The following PLLP variants were observed in gnomAD, a reference collection of about 807,000 sequenced individuals.
PLLP encodes the protein plasmolipin.
In PLLP, 15 loss-of-function variants were observed where a neutral mutation model predicts 19.7. The observed-to-expected ratio is 0.76, with a 90% CI of 0.51 to 1.17. The LOEUF (loss-of-function observed/expected upper bound fraction) is 1.17. Among genes scored for constraint, PLLP ranks in the 50% most tolerant of loss-of-function variants. The pLI is 0.00. For synonymous variants in PLLP, 111 were observed against 116.3 expected (o/e 0.95, Z 0.29); for missense variants, 255 against 258.3 (o/e 0.99, Z 0.09).
chr16:57,266,521 G>A (rs2075457821), intron 1 of PLLP, among the ~76,000 whole-genome samples: 1 of 152,160 alleles, frequency 6.6e-6, no homozygotes, highest in Admixed American at 6.6e-5. Context: ...TTTAACAAAT[G>A]TCTATGGAGA....
At chr16:57,268,925 AGAGAAT>A (rs1467207747) in intron 1 of PLLP, among the ~76,000 whole-genome samples, 3 of 152,184 alleles carry the variant, frequency 2.0e-5, no homozygotes, top group African/African-American at 7.2e-5. Context: ...GGCCTCACTG[AGAGAAT>A]GACAGTATCC....
chr16:57,276,606 A>AAG (rs1555506079), intron 1 of PLLP, among the ~76,000 whole-genome samples: 20 of 150,170 alleles, frequency 1.3e-4, no homozygotes, highest in Middle Eastern at 3.4e-3. Context: ...AAAAAAAAAA[A>AAG]AGAGAGAGAG....
At chr16:57,279,375 TTTG>T (rs1901190975) in intron 1 of PLLP, among the ~76,000 whole-genome samples, 1 of 151,312 alleles carries the variant, frequency 6.6e-6, no homozygotes, top group East Asian at 1.9e-4. Flanking sequence ...TTTTTTTTTT[TTTG>T]TTAAGAGTAG....
Position 57,262,048 on chromosome 16 carries a change from G to T in PLLP, c.158C>A (p.Ala53Glu). Residue 53 changes from alanine to glutamate, a missense_variant, in exon 2 of 4, where the codon GCG becomes GAG. Transcript: ENST00000219207. ...LQLVLGLLVW[A>E]LIADTPYHLY... The stretch of plus-strand genomic sequence containing the variant: ...GTGGTACGGGGTGTCCGCAATCAGC[G>T]CCCACACCAGCAGCCCCAGCACCTA... 1 of 1,614,158 alleles carries T rather than the reference G, an allele frequency of 6.2e-7. No homozygotes were observed. Among genetic ancestry groups the T allele is most frequent in the Non-Finnish European group, 8.5e-7 (1 of 1,180,012 alleles).
intron 1 of PLLP, among the ~76,000 whole-genome samples, chr16:57,266,168 C>T (rs1286247552): frequency 1.3e-5 from 2 of 152,202 alleles, no homozygotes; most frequent in Non-Finnish European, 2.9e-5. Context: ...CTGGGCTGGG[C>T]ACCCAGGCTC....
intron 2 of PLLP, among the ~76,000 whole-genome samples, chr16:57,259,613 A>T (rs1395571842): frequency 6.6e-6 from 1 of 152,216 alleles, no homozygotes; most frequent in Non-Finnish European, 1.5e-5. Flanking sequence ...ATATACTTTT[A>T]AAAAATTACC....
At chr16:57,283,893 T>A (rs1341357388) in intron 1 of PLLP, among the ~76,000 whole-genome samples, 1 of 151,984 alleles carries the variant, frequency 6.6e-6, no homozygotes, top group Non-Finnish European at 1.5e-5. Context: ...AGATGAGGAA[T>A]GTTCATGGGT....
rs1429764926 is a variant in PLLP, at chr16:57,284,452, A to G, written c.89T>C (p.Leu30Pro). ...CCCGAGGCGGGAGCGCACGAAGCCC[A>G]GGTCCGGGCGCAGCGCCGACACCGA... The part of the protein sequence containing the change: ...EASVSALRPD[L>P]GFVRSRLGAL... The change falls in exon 1 of 4, where the codon CTG (leucine) becomes CCG (proline). Residue 30 changes from leucine (L) to proline (P), a missense_variant. Physicochemically the swap from Leu to Pro is moderately conservative, Grantham distance 98. Transcript: ENST00000219207. 27 of 1,406,200 alleles carry G rather than the reference A, an allele frequency of 1.9e-5. No homozygotes were observed. Among genetic ancestry groups the G allele is most frequent in the Non-Finnish European group, 2.5e-5 (27 of 1,075,828 alleles). The allele number at this position is 1,406,200 out of a possible 1,614,324, so 87.1% of individuals were successfully genotyped here. A position where few individuals can be genotyped will look rare whatever the true frequency, so the allele number is the denominator to read the frequency against.
At chr16:57,280,382 C>T (rs1469060665) in intron 1 of PLLP, among the ~76,000 whole-genome samples, 3 of 152,156 alleles carry the variant, frequency 2.0e-5, no homozygotes, top group Admixed American at 1.3e-4. Context: ...CCTAACAGCA[C>T]TACTTTATAC....
chr16:57,274,509 GT>G (rs1463528935), intron 1 of PLLP, among the ~76,000 whole-genome samples: 1 of 152,102 alleles, frequency 6.6e-6, no homozygotes, highest in Non-Finnish European at 1.5e-5. Flanking sequence ...CTGGAGTGCA[GT>G]TGCACAATCT....
At chr16:57,260,639 C>G (rs997795678) in intron 2 of PLLP, among the ~76,000 whole-genome samples, 2 of 152,226 alleles carry the variant, frequency 1.3e-5, no homozygotes, top group Admixed American at 1.3e-4. Flanking sequence ...TTTCTCGCCT[C>G]TCTTCTCACT....
At chr16:57,276,434 A>C (rs1457567028) in intron 1 of PLLP, among the ~76,000 whole-genome samples, 1 of 152,088 alleles carries the variant, frequency 6.6e-6, no homozygotes, top group Non-Finnish European at 1.5e-5. Flanking sequence ...TCTACTAAAA[A>C]TACAAAAATT....
At chr16:57,277,851 C>G (rs1385959834) in intron 1 of PLLP, among the ~76,000 whole-genome samples, 1 of 152,290 alleles carries the variant, frequency 6.6e-6, no homozygotes, top group South Asian at 2.1e-4. Context: ...GGGGCGTGGT[C>G]AGTCAGGGAT....
chr16:57,266,433 A>C (rs1281398390), intron 1 of PLLP, among the ~76,000 whole-genome samples: 1 of 152,208 alleles, frequency 6.6e-6, no homozygotes, highest in East Asian at 1.9e-4. Context: ...CCCCCAGCCC[A>C]GTCCCCCAAG....
At chr16:57,278,613 G>T (rs1037615526) in intron 1 of PLLP, among the ~76,000 whole-genome samples, 1 of 152,120 alleles carries the variant, frequency 6.6e-6, no homozygotes. Flanking sequence ...TGGGGAGTGT[G>T]GGGGGAACTA....
At chr16:57,282,606 A>G (rs1901233822) in intron 1 of PLLP, among the ~76,000 whole-genome samples, 1 of 151,838 alleles carries the variant, frequency 6.6e-6, no homozygotes, top group Non-Finnish European at 1.5e-5. Flanking sequence ...TTCTGTTCCA[A>G]AACCTCTTAA....
Position 57,256,910 on chromosome 16 carries a change from G to T in PLLP, c.*3C>A. On this transcript the variant is annotated 3_prime_UTR_variant, in exon 4 of 4. Transcript: ENST00000219207. ...CCCCAGAGGGGGCCGTGGCACAGGT[G>T]GTTTAGGCATAGCCGCCAGCCATCT... 1.3e-6 allele frequency: 2 copies of T among 1,598,108 alleles called. No homozygotes were observed. Among genetic ancestry groups the T allele is most frequent in the Middle Eastern group, 1.7e-4 (1 of 6,038 alleles).
At chr16:57,271,335 C>T (rs976440341) in intron 1 of PLLP, among the ~76,000 whole-genome samples, 1 of 151,868 alleles carries the variant, frequency 6.6e-6, no homozygotes, top group African/African-American at 2.4e-5. Context: ...GTGAGGTCCC[C>T]GCTTAGGGCT....
chr16:57,259,701 G>A (rs2075436292), intron 2 of PLLP, among the ~76,000 whole-genome samples: 1 of 152,210 alleles, frequency 6.6e-6, no homozygotes, highest in Admixed American at 6.5e-5. Context: ...TTGGCCGGGT[G>A]CAGTGTGGCT....
Sources: gnomAD v4.1 joint callset for allele counts (sites outside exome capture counted in the v4.1 genomes callset) on GRCh38, gnomAD v4.1.1 for gene constraint, MANE v1.5 for transcripts, NCBI Gene and HGNC (gene_info 2026-07-23, HGNC 2026-07-21) for gene names.